Variants in CCNG2 observed in about 807,000 individuals in gnomAD.
CCNG2 encodes the protein cyclin G2.
In CCNG2, 20 loss-of-function variants were observed where a neutral mutation model predicts 36.5. The ratio of observed to expected loss-of-function variants is 0.55; its 90% CI spans 0.39 to 0.80. The LOEUF (loss-of-function observed/expected upper bound fraction) is 0.80, where lower values mean the gene tolerates loss of function less well. CCNG2 is among the 30% of genes least tolerant of loss of function. The pLI is 0.00. For missense variants in CCNG2, 358 were observed against 390.8 expected (o/e 0.92, Z 0.71); for synonymous variants, 155 against 140.1 (o/e 1.11, Z -0.75).
intron 6 of CCNG2, 89 bp from the exon 7 acceptor site, chr4:77,164,185 A>G: frequency 2.3e-6 from 2 of 859,694 alleles, no homozygotes; most frequent in Non-Finnish European, 3.8e-6. Context: ...ATCTATATAT[A>G]TATATTTTTC....
intron 6 of CCNG2, among the ~76,000 whole-genome samples, chr4:77,163,030 A>C (rs1207892200): frequency 6.6e-6 from 1 of 152,084 alleles, no homozygotes; most frequent in Non-Finnish European, 1.5e-5. Flanking sequence ...TTAATTTGTG[A>C]TGAGAGCAAT....
At chr4:77,164,075 C>T (rs1241171509) in intron 6 of CCNG2, among the ~76,000 whole-genome samples, 199 bp from the exon 7 acceptor site, 1 of 152,170 alleles carries the variant, frequency 6.6e-6, no homozygotes, top group Non-Finnish European at 1.5e-5. Flanking sequence ...CTGCACATTA[C>T]AATCACCTAG....
chr4:77,165,887 A>T lies in CCNG2; in HGVS notation c.998A>T (p.Asn333Ile), dbSNP rs773545591. 4 of 1,611,328 alleles carry T rather than the reference A, an allele frequency of 2.5e-6. No individual in the cohort carries two copies. Among genetic ancestry groups the T allele is most frequent in the Non-Finnish European group, 3.4e-6 (4 of 1,179,188 alleles). Reference sequence around the variant, plus strand: ...GATCAAGAGTGCACCTTCTTTTTCAACTTCAAAGTGGCACAAACACTGTGC... The same window carrying T: ...GATCAAGAGTGCACCTTCTTTTTCATCTTCAAAGTGGCACAAACACTGTGC... ...PSDQECTFFF[N>I]FKVAQTLCFP... The change falls in exon 8 of 8, where the codon AAC (asparagine) becomes ATC (isoleucine). Residue 333 changes from asparagine (N) to isoleucine (I), a missense_variant. Transcript: ENST00000316355.
In CCNG2 at chr4:77,167,844, CT is replaced by C. The variant is rs758137487; in HGVS notation, c.*1922del. On this transcript the variant is annotated 3_prime_UTR_variant, in exon 8 of 8. Coordinates refer to ENST00000316355, the MANE Select transcript of CCNG2 (RefSeq NM_004354.3). ...CCTACTTGAGGATGACCTTTCCTCT[CT>C]TACTAAATAATATTAGTAAATAGTG... The C allele has an allele frequency of 1.3e-5, 2 of 152,204 alleles. No individual in the cohort carries two copies. Among genetic ancestry groups the C allele is most frequent in the Non-Finnish European group, 2.9e-5 (2 of 68,044 alleles). The allele number at this position is 152,204 out of a possible 1,614,324, so 9.4% of individuals were successfully genotyped here. A position where few individuals can be genotyped will look rare whatever the true frequency, so the allele number is the denominator to read the frequency against.
chr4:77,160,746 T>C lies in CCNG2; in HGVS notation c.302T>C (p.Ile101Thr). The C allele has an allele frequency of 1.9e-6, 3 of 1,613,928 alleles. No homozygotes were observed. Among genetic ancestry groups the C allele is most frequent in the Middle Eastern group, 1.6e-4 (1 of 6,062 alleles). The change falls in exon 4 of 8, where the codon ATT (isoleucine) becomes ACT (threonine). Residue 101 changes from isoleucine (I) to threonine (T), a missense_variant. Ile to Thr is a moderately conservative substitution (Grantham distance 89). Transcript: ENST00000316355. ...MKVKPKHLSC[I>T]GVCSFLLAAR... ...GTGAAACCTAAACATTTGTCTTGCA[T>C]TGGAGTCTGTTCTTTTTTGCTGGCT... is the stretch of plus-strand genomic sequence containing the variant.
intron 3 of CCNG2, among the ~76,000 whole-genome samples, chr4:77,160,094 G>A (rs1310405221): frequency 6.6e-6 from 1 of 152,094 alleles, no homozygotes; most frequent in Non-Finnish European, 1.5e-5. Flanking sequence ...CACAACTCGT[G>A]ATATTTCTCT....
chr4:77,162,376 A>ATTTTT (rs35692387), intron 6 of CCNG2, among the ~76,000 whole-genome samples: 3 of 71,450 alleles, frequency 4.2e-5, no homozygotes, highest in African/African-American at 5.7e-5. Context: ...GTACTTTGGG[A>ATTTTT]TTTTTTTTTT....
chr4:77,159,213 G>C lies in CCNG2; in HGVS notation c.139-154G>C, dbSNP rs4150057. ...TGATAAAGTGTATAGCTTTAGTTAA[G>C]CGATACCACTCTTTCCACCTATATT... On this transcript the variant is annotated intron_variant, in intron 2 of 7. Transcript: ENST00000316355. 8.6e-3 allele frequency among the ~76,000 whole-genome samples: 1,303 copies of C among 152,234 alleles called. 23 individuals carry two copies. The highest frequency in any genetic ancestry group is 0.03 in the African/African-American group (1,242 of 41,544).
chr4:77,160,532 G>GGGC (rs1731400570), intron 3 of CCNG2, among the ~76,000 whole-genome samples, 189 bp from the exon 4 acceptor site: 2 of 83,102 alleles, frequency 2.4e-5, no homozygotes, highest in African/African-American at 6.8e-5. Context: ...CTTTTTTTTT[G>GGGC]GGGGGGGGGG....
At chr4:77,158,054 C>T (rs552254292) in intron 1 of CCNG2, among the ~76,000 whole-genome samples, 3 of 151,744 alleles carry the variant, frequency 2.0e-5, no homozygotes, top group Non-Finnish European at 4.4e-5. Flanking sequence ...AGCTGGGCGC[C>T]CCGGGCGGGC....
intron 3 of CCNG2, among the ~76,000 whole-genome samples, chr4:77,160,520 G>A (rs1437425331): frequency 8.8e-6 from 1 of 113,216 alleles, no homozygotes; most frequent in Non-Finnish European, 1.8e-5. Context: ...GTTCCCTGCT[G>A]CCTTTTTTTT....
In CCNG2 at chr4:77,166,899, C is replaced by G. The variant is rs935916845; in HGVS notation, c.*975C>G. The stretch of plus-strand genomic sequence containing the variant: ...TTTTAAGCAAATCTGTGTGGTGATA[C>G]AGCCATAAGAATGGGGCTTATATAA... On this transcript the variant is annotated 3_prime_UTR_variant, in exon 8 of 8. Coordinates refer to ENST00000316355, the MANE Select transcript of CCNG2 (RefSeq NM_004354.3). 6.6e-6 allele frequency: 1 copy of G among 152,164 alleles called. No homozygotes were observed. Among genetic ancestry groups the G allele is most frequent in the Non-Finnish European group, 1.5e-5 (1 of 68,034 alleles). 9.4% of individuals were successfully genotyped at this position (152,164 alleles called of 1,614,324 possible). A position where few individuals can be genotyped will look rare whatever the true frequency, so the allele number is the denominator to read the frequency against.
In CCNG2 at chr4:77,167,225, C is replaced by G. The variant is rs941130507; in HGVS notation, c.*1301C>G. 9 of 152,144 alleles carry G rather than the reference C, an allele frequency of 5.9e-5. No homozygotes were observed. The highest frequency in any genetic ancestry group is 2.2e-4 in the African/African-American group (9 of 41,420). 9.4% of individuals were successfully genotyped at this position (152,144 alleles called of 1,614,324 possible). ...AATGAATTCTCCTTGTTTGGGATCA[C>G]ATCTTAATTTTTAATCTGTTAAAAG... On this transcript the variant is annotated 3_prime_UTR_variant, in exon 8 of 8. Transcript: ENST00000316355.
chr4:77,160,873 A>C lies in CCNG2; in HGVS notation c.429A>C (p.Lys143Asn), dbSNP rs2109917479. 6.2e-7 allele frequency: 1 copy of C among 1,613,844 alleles called. No homozygotes were observed. Among genetic ancestry groups the C allele is most frequent in the Middle Eastern group, 1.6e-4 (1 of 6,062 alleles). The change falls in exon 4 of 8, where the codon AAA (lysine) becomes AAC (asparagine). Residue 143 changes from lysine to asparagine, a missense_variant. Physicochemically the swap from Lys to Asn is moderately conservative, Grantham distance 94. Coordinates refer to ENST00000316355, the MANE Select transcript of CCNG2 (RefSeq NM_004354.3). ...CTTCTGACATAAAACGGATGGAAAA[A>C]ATAATTTCAGAAAAATTGCACTATG... is the stretch of plus-strand genomic sequence containing the variant. ...CTASDIKRME[K>N]IISEKLHYEL...
chr4:77,163,114 A>G (rs146269390), intron 6 of CCNG2, among the ~76,000 whole-genome samples: 39 of 152,214 alleles, frequency 2.6e-4, no homozygotes, highest in Non-Finnish European at 5.0e-4. Flanking sequence ...AAGATAAACT[A>G]TAGTTAGAGA....
chr4:77,166,666 T>C lies in CCNG2; in HGVS notation c.*742T>C, dbSNP rs1473322282. ...TCTGCTAGTTTTGCATGTACTTATA[T>C]GAAAACAGTGCAGTAAGTTGAAAAC... On this transcript the variant is annotated 3_prime_UTR_variant, in exon 8 of 8. Transcript: ENST00000316355. 6.6e-6 allele frequency: 1 copy of C among 152,236 alleles called. No individual in the cohort carries two copies. Among genetic ancestry groups the C allele is most frequent in the Non-Finnish European group, 1.5e-5 (1 of 68,038 alleles). 9.4% of individuals were successfully genotyped at this position (152,236 alleles called of 1,614,324 possible). A position where few individuals can be genotyped will look rare whatever the true frequency, so the allele number is the denominator to read the frequency against.
intron 6 of CCNG2, among the ~76,000 whole-genome samples, chr4:77,163,201 G>A (rs1390474669): frequency 6.6e-6 from 1 of 152,148 alleles, no homozygotes; most frequent in Non-Finnish European, 1.5e-5. Context: ...GTAGGGGTCA[G>A]TTGAAGCTCT....
chr4:77,161,097 A>G, intron 4 of CCNG2, 126 bp downstream of exon 4: 1 of 475,142 alleles, frequency 2.1e-6, no homozygotes, highest in South Asian at 3.1e-5. Context: ...TTATTGGTAA[A>G]TCTTTTTTTT....
At chr4:77,165,753 G>A in intron 7 of CCNG2, 48 bp from the exon 8 acceptor site, 1 of 1,431,514 alleles carries the variant, frequency 7.0e-7, no homozygotes, top group Non-Finnish European at 9.3e-7. Context: ...ACATTTAAGT[G>A]TGTTTTAAGT....
Sources: allele counts gnomAD v4.1 joint callset (sites outside exome capture counted in the v4.1 genomes callset), GRCh38; gene constraint gnomAD v4.1.1; transcripts MANE v1.5; gene names NCBI Gene and HGNC (gene_info 2026-07-23, HGNC 2026-07-21).